The following STK33 variants were observed in gnomAD, a reference collection of about 807,000 sequenced individuals.
STK33 encodes the protein serine/threonine kinase 33.
Under a neutral mutation model 58.0 loss-of-function variants are expected in STK33, and 52 were observed. The ratio of observed to expected loss-of-function variants is 0.90; its 90% CI spans 0.72 to 1.13. The LOEUF (loss-of-function observed/expected upper bound fraction) is 1.13. Ranked by LOEUF, STK33 falls within the 50% of genes most tolerant of loss-of-function variation. STK33 has a pLI of 0.00. For missense variants in STK33, 630 were observed against 604.2 expected, an observed-to-expected ratio of 1.04 and a Z score of -0.45; for synonymous variants, 215 against 200.1, an observed-to-expected ratio of 1.07 and a Z score of -0.63.
intron 1 of STK33, among the ~76,000 whole-genome samples, chr11:8,542,153 G>A (rs1364479075): frequency 1.3e-5 from 2 of 152,128 alleles, no homozygotes; most frequent in African/African-American, 4.8e-5. Flanking sequence ...TAGGTTCTTT[G>A]ATTCAGGATG....
chr11:8,420,579 T>C (rs529133552), intron 14 of STK33, among the ~76,000 whole-genome samples: 2 of 152,348 alleles, frequency 1.3e-5, no homozygotes, highest in African/African-American at 4.8e-5. Flanking sequence ...TCCATACACC[T>C]AGTTTTCCTC....
At chr11:8,361,894 C>G in the STK33 span, among the ~76,000 whole-genome samples, 1 of 152,234 alleles carries the variant, frequency 6.6e-6, no homozygotes, top group South Asian at 2.1e-4. This position sits in a 1 kb window ranked among gnomAD's most constrained non-coding sequence, Gnocchi z 4.8. Flanking sequence ...CCTGTGCTCA[C>G]GCGGGCCCAT....
the STK33 span, among the ~76,000 whole-genome samples, chr11:8,356,966 C>T: frequency 1.3e-5 from 2 of 152,174 alleles, no homozygotes; most frequent in Non-Finnish European, 2.9e-5. Flanking sequence ...TGAAGTGGGG[C>T]GGGGCCCACA....
At chr11:8,422,821 TTCTC>T (rs1304762202) in intron 14 of STK33, among the ~76,000 whole-genome samples, 10 of 152,012 alleles carry the variant, frequency 6.6e-5, no homozygotes, top group Admixed American at 2.6e-4. Context: ...AAGATTTTTT[TTCTC>T]TCTCTCTTTT....
intron 8 of STK33, among the ~76,000 whole-genome samples, chr11:8,458,474 T>C (rs778692236): frequency 6.8e-6 from 1 of 147,002 alleles, no homozygotes; most frequent in East Asian, 2.0e-4. Context: ...AACTGTAGTA[T>C]GCTGACTTTT....
At chr11:8,462,718 A>T (rs767523885) in intron 7 of STK33, among the ~76,000 whole-genome samples, 16 of 152,104 alleles carry the variant, frequency 1.1e-4, no homozygotes, top group Non-Finnish European at 2.1e-4. Flanking sequence ...AAAGTCAGTA[A>T]CACTCCAAGG....
intron 15 of STK33, among the ~76,000 whole-genome samples, chr11:8,405,709 C>G (rs1043879669): frequency 2.0e-5 from 3 of 152,174 alleles, no homozygotes; most frequent in African/African-American, 7.2e-5. Flanking sequence ...TTCTACCCTT[C>G]TCAAACTAAT....
At chr11:8,375,949 A>G in the STK33 span, among the ~76,000 whole-genome samples, 69,865 of 152,076 alleles carry the variant, frequency 0.46, 16,195 homozygotes, top group South Asian at 0.6. Flanking sequence ...TAATACAAGG[A>G]GTCCTAGCCA....
chr11:8,522,242 T>C (rs1407525053), intron 1 of STK33, among the ~76,000 whole-genome samples: 2 of 152,188 alleles, frequency 1.3e-5, no homozygotes, highest in Non-Finnish European at 2.9e-5. Flanking sequence ...CCATCAATGA[T>C]TGACTGGATT....
chr11:8,587,737 T>G (rs574147096), intron 1 of STK33, among the ~76,000 whole-genome samples: 17 of 152,246 alleles, frequency 1.1e-4, no homozygotes, highest in Non-Finnish European at 2.2e-4. Flanking sequence ...GGGCAATCCT[T>G]CCTTTGCTCT....
At chr11:8,550,281 A>AT (rs1035772995) in intron 1 of STK33, among the ~76,000 whole-genome samples, 2 of 151,878 alleles carry the variant, frequency 1.3e-5, no homozygotes, top group African/African-American at 4.8e-5. Flanking sequence ...ATCTTTTGTA[A>AT]TTTTTTTTAG....
At chr11:8,470,092 G>A (rs1392545448) in intron 6 of STK33, among the ~76,000 whole-genome samples, 1 of 152,176 alleles carries the variant, frequency 6.6e-6, no homozygotes, top group Non-Finnish European at 1.5e-5. Context: ...TCTGTCCTTT[G>A]GGGCTGTGAA....
intron 14 of STK33, among the ~76,000 whole-genome samples, chr11:8,429,928 C>T (rs1048231020): frequency 3.3e-5 from 5 of 152,150 alleles, no homozygotes; most frequent in African/African-American, 9.7e-5. Flanking sequence ...AGGCAAGATA[C>T]TACATTCGAG....
chr11:8,417,316 C>T (rs1233165645), intron 14 of STK33, among the ~76,000 whole-genome samples: 1 of 152,004 alleles, frequency 6.6e-6, no homozygotes, highest in African/African-American at 2.4e-5. Flanking sequence ...AATTTAATAT[C>T]GAACAACTAG....
chr11:8,392,211 C>T lies in STK33; in HGVS notation c.*299G>A, dbSNP rs1047882093. The T allele has an allele frequency of 2.7e-6, 1 of 372,312 alleles. No homozygotes were observed. The highest frequency in any genetic ancestry group is 4.3e-5 in the Admixed American group (1 of 23,516). 23.1% of individuals were successfully genotyped at this position (372,312 alleles called of 1,614,324 possible). A position where few individuals can be genotyped will look rare whatever the true frequency, so the allele number is the denominator to read the frequency against. On this transcript the variant is annotated 3_prime_UTR_variant, in exon 16 of 16. Transcript: ENST00000687296. ...TGAAGTAAAAATGAGCAAGTGTGCCCACAGCCTTAAATTGAAGGTATCTGC... is the reference window on the plus strand; with the variant it reads ...TGAAGTAAAAATGAGCAAGTGTGCCTACAGCCTTAAATTGAAGGTATCTGC...
At chr11:8,403,520 T>C (rs926841307) in intron 15 of STK33, among the ~76,000 whole-genome samples, 2 of 152,140 alleles carry the variant, frequency 1.3e-5, no homozygotes, top group Non-Finnish European at 2.9e-5. Flanking sequence ...CATCTCTGAG[T>C]GCTGCATTCA....
chr11:8,468,208 C>T (rs1948412368), intron 6 of STK33, among the ~76,000 whole-genome samples: 1 of 152,096 alleles, frequency 6.6e-6, no homozygotes, highest in African/African-American at 2.4e-5. Context: ...CAGAGAAACT[C>T]CCATTTTTAA....
intron 11 of STK33, among the ~76,000 whole-genome samples, chr11:8,443,601 A>C (rs1385085099): frequency 1.8e-5 from 1 of 56,784 alleles, no homozygotes; most frequent in East Asian, 8.2e-4. Flanking sequence ...CCGTATGGCA[A>C]AAAAAAAAAA....
chr11:8,487,172 C>G (rs1003571878), intron 1 of STK33, among the ~76,000 whole-genome samples: 3 of 152,096 alleles, frequency 2.0e-5, no homozygotes, highest in African/African-American at 7.2e-5. Flanking sequence ...GACTGTAATC[C>G]TAGCACTTTG....
Sources: gnomAD v4.1 joint callset for allele counts (sites outside exome capture counted in the v4.1 genomes callset) on GRCh38, gnomAD v4.1.1 for gene constraint, Gnocchi (gnomAD v3.1) non-coding constraint, MANE v1.5 for transcripts, NCBI Gene and HGNC (gene_info 2026-07-23, HGNC 2026-07-21) for gene names.